The following ABHD12 variants were observed in gnomAD, a reference collection of about 807,000 sequenced individuals.
ABHD12 encodes the protein lysophosphatidylserine lipase ABHD12.
ABHD12 carries 43 observed loss-of-function variants against 58.3 expected under a neutral mutation model. The ratio of observed to expected loss-of-function variants is 0.74; its 90% CI spans 0.58 to 0.95. The LOEUF is 0.95. Among genes scored for constraint, ABHD12 ranks in the 40% least tolerant of loss-of-function variants. The pLI is 0.00. For missense variants in ABHD12, 539 were observed against 537.2 expected (o/e 1.00, Z -0.03); for synonymous variants, 219 against 211.2 (o/e 1.04, Z -0.32).
intron 1 of ABHD12, among the ~76,000 whole-genome samples, chr20:25,388,852 G>A (rs375223661): frequency 7.0e-6 from 1 of 142,190 alleles, no homozygotes; most frequent in African/African-American, 2.6e-5. Flanking sequence ...GCACTGGTGC[G>A]ATCTCGGTTC....
At chr20:25,348,943 G>T (rs2089558788) in intron 1 of ABHD12, among the ~76,000 whole-genome samples, 1 of 152,000 alleles carries the variant, frequency 6.6e-6, no homozygotes, top group South Asian at 2.1e-4. Flanking sequence ...AATTAGCCGG[G>T]CATGGTGGCA....
intron 2 of ABHD12, among the ~76,000 whole-genome samples, chr20:25,330,935 T>A (rs2089262581): frequency 6.6e-6 from 1 of 152,210 alleles, no homozygotes; most frequent in Admixed American, 6.5e-5. Context: ...ACGCAGTTCC[T>A]CACCAGCAAC....
Position 25,390,715 on chromosome 20 carries a change from C to G in ABHD12, c.-12G>C. On this transcript the variant is annotated 5_prime_UTR_variant, in exon 1 of 13. Coordinates refer to ENST00000339157, the MANE Select transcript of ABHD12 (RefSeq NM_001042472.3). The stretch of plus-strand genomic sequence containing the variant: ...GTCCGCTTCCTCATCCCGCGGCCGA[C>G]AGGGCCAGCCGCCGACGGCGCCCGC... The G allele has an allele frequency of 7.4e-7, 1 of 1,353,236 alleles. No homozygotes were observed. The highest frequency in any genetic ancestry group is 9.5e-7 in the Non-Finnish European group (1 of 1,052,226). 83.8% of individuals were successfully genotyped at this position (1,353,236 alleles called of 1,614,324 possible). A position where few individuals can be genotyped will look rare whatever the true frequency, so the allele number is the denominator to read the frequency against.
At chr20:25,338,821 T>A in intron 2 of ABHD12, 1 of 1,018,844 alleles carries the variant, frequency 9.8e-7, no homozygotes, top group South Asian at 4.0e-5. Context: ...AATGCACAAC[T>A]GACAAGGCAT....
chr20:25,338,839 A>G (rs1487040131), intron 2 of ABHD12: 6 of 1,034,258 alleles, frequency 5.8e-6, no homozygotes, highest in Non-Finnish European at 7.0e-6. Context: ...CATCTCCAAC[A>G]TGATGGCTTC....
At chr20:25,341,524 A>G (rs1479843220) in intron 1 of ABHD12, among the ~76,000 whole-genome samples, 4 of 152,178 alleles carry the variant, frequency 2.6e-5, no homozygotes, top group Non-Finnish European at 5.9e-5. Flanking sequence ...ATCTTGAATG[A>G]GTTATTTAAC....
rs765132388 is a variant in ABHD12, at chr20:25,300,588, C to G, written c.*257G>C. The G allele has an allele frequency of 1.1e-5, 16 of 1,431,388 alleles. No individual in the cohort carries two copies. Among genetic ancestry groups the G allele is most frequent in the Non-Finnish European group, 1.3e-5 (14 of 1,097,262 alleles). The allele number at this position is 1,431,388 out of a possible 1,614,324, so 88.7% of individuals were successfully genotyped here. Reference sequence around the variant, plus strand: ...TGCCTGCTGCCATTAAGTCTCCCAACAAGATCTCAGGTTGAGGGGCGGCAA... The same window carrying G: ...TGCCTGCTGCCATTAAGTCTCCCAAGAAGATCTCAGGTTGAGGGGCGGCAA... On this transcript the variant is annotated 3_prime_UTR_variant, in exon 13 of 13. Transcript: ENST00000339157.
intron 1 of ABHD12, among the ~76,000 whole-genome samples, chr20:25,374,878 A>C (rs1397822605): frequency 6.6e-6 from 1 of 152,144 alleles, no homozygotes; most frequent in Non-Finnish European, 1.5e-5. Flanking sequence ...TATTCTCTTC[A>C]TTATATACAC....
intron 12 of ABHD12, chr20:25,295,094 C>G: frequency 1.3e-6 from 2 of 1,489,642 alleles, no homozygotes; most frequent in Non-Finnish European, 1.9e-6. Flanking sequence ...GCTTCTGACT[C>G]GATAGTGAAC....
chr20:25,353,409 T>C (rs932359586), intron 1 of ABHD12, among the ~76,000 whole-genome samples: 4 of 152,120 alleles, frequency 2.6e-5, no homozygotes, highest in African/African-American at 9.7e-5. Context: ...AATATGTAAA[T>C]ATTTAAGCAG....
chr20:25,364,613 C>T (rs1055611175), intron 1 of ABHD12, among the ~76,000 whole-genome samples: 1 of 152,232 alleles, frequency 6.6e-6, no homozygotes, highest in Non-Finnish European at 1.5e-5. Flanking sequence ...TGAGACTTGG[C>T]AGGGCCAAAC....
chr20:25,341,627 T>C (rs2089455624), intron 1 of ABHD12, among the ~76,000 whole-genome samples: 5 of 152,168 alleles, frequency 3.3e-5, no homozygotes, highest in Admixed American at 3.3e-4. Flanking sequence ...CAGTAACACA[T>C]GTAGACTGCA....
downstream of ABHD12, chr20:25,297,961 A>ACTAC (rs2088576044): frequency 6.6e-6 from 1 of 152,152 alleles, no homozygotes; most frequent in African/African-American, 2.4e-5. Context: ...CCTCATTGTT[A>ACTAC]CTGCCTTGTG....
intron 1 of ABHD12, among the ~76,000 whole-genome samples, chr20:25,370,621 T>C (rs1286716349): frequency 1.3e-5 from 2 of 151,860 alleles, no homozygotes; most frequent in Non-Finnish European, 2.9e-5. Flanking sequence ...AGAGCATGAG[T>C]AGTGGAGATG....
intron 1 of ABHD12, among the ~76,000 whole-genome samples, chr20:25,384,364 T>C (rs2090061106): frequency 1.3e-5 from 2 of 150,422 alleles, no homozygotes; most frequent in Non-Finnish European, 3.0e-5. Flanking sequence ...ATTGTTCTCA[T>C]CTGAGTTACT....
chr20:25,310,372 A>G (rs1236237684), intron 6 of ABHD12: 1 of 152,226 alleles, frequency 6.6e-6, no homozygotes, highest in African/African-American at 2.4e-5. Context: ...AAACACTACC[A>G]TCTCTGCCCC....
downstream of ABHD12, chr20:25,297,611 C>T (rs2088568800): frequency 1.3e-5 from 2 of 152,392 alleles, no homozygotes; most frequent in Admixed American, 1.3e-4. Flanking sequence ...CCCTCACAGC[C>T]TTGCCCCTCC....
At chr20:25,338,178 C>A (rs2089403717) in intron 2 of ABHD12, among the ~76,000 whole-genome samples, 1 of 152,164 alleles carries the variant, frequency 6.6e-6, no homozygotes, top group African/African-American at 2.4e-5. Context: ...GAGTCCGGCA[C>A]CTCTCAGTAC....
chr20:25,356,774 TG>T (rs1383207561), intron 1 of ABHD12, among the ~76,000 whole-genome samples: 1 of 152,152 alleles, frequency 6.6e-6, no homozygotes, highest in Non-Finnish European at 1.5e-5. Flanking sequence ...AATGGGCTGC[TG>T]TGCATATGAA....
Sources: gnomAD v4.1 joint callset for allele counts (sites outside exome capture counted in the v4.1 genomes callset) on GRCh38, gnomAD v4.1.1 for gene constraint, MANE v1.5 for transcripts, NCBI Gene and HGNC (gene_info 2026-07-23, HGNC 2026-07-21) for gene names.